The following SVEP1 variants were observed in gnomAD, a reference collection of about 807,000 sequenced individuals.
SVEP1 encodes the protein sushi, von Willebrand factor type A, EGF and pentraxin domain-containing protein 1.
In SVEP1, 164 loss-of-function variants were observed where a neutral mutation model predicts 367.3. The ratio of observed to expected loss-of-function variants is 0.45; its 90% CI spans 0.39 to 0.51. The LOEUF (loss-of-function observed/expected upper bound fraction) is 0.51. SVEP1 is among the 20% of genes least tolerant of loss of function. The pLI is 0.00. For missense variants in SVEP1, 4,117 were observed against 4,425.3 expected (o/e 0.93, Z 1.98); for synonymous variants, 1,666 against 1,611.6 (o/e 1.03, Z -0.81).
At chr9:110,529,739 T>G (rs1220736376) in intron 3 of SVEP1, among the ~76,000 whole-genome samples, 1 of 152,190 alleles carries the variant, frequency 6.6e-6, no homozygotes, top group East Asian at 1.9e-4. Context: ...CTTTACTAAA[T>G]TCATTGATCA....
chr9:110,472,216 T>A lies in SVEP1; in HGVS notation c.2707A>T (p.Ile903Phe), dbSNP rs1311235396. The A allele has an allele frequency of 6.2e-7, 1 of 1,613,728 alleles. No individual in the cohort carries two copies. The highest frequency in any genetic ancestry group is 1.1e-5 in the South Asian group (1 of 91,012). ...TSIGNAKSSR[I>F]KRSAPLSDYK... ...TCAGATAATGGGGCACTTCTTTTAA[T>A]CCGTGAGGACTTGGCATTGCCGATG... Residue 903 changes from isoleucine to phenylalanine, a missense_variant, in exon 15 of 48, where the codon ATT (isoleucine) becomes TTT (phenylalanine). Coordinates refer to ENST00000374469, the MANE Select transcript of SVEP1 (RefSeq NM_153366.4).
chr9:110,464,798 T>C (rs1398299049), intron 18 of SVEP1, among the ~76,000 whole-genome samples: 2 of 152,226 alleles, frequency 1.3e-5, no homozygotes, highest in Non-Finnish European at 2.9e-5. Context: ...GTTTGTTCAG[T>C]TCCCAGTGAG....
intron 6 of SVEP1, among the ~76,000 whole-genome samples, chr9:110,502,390 C>G (rs1829548251): frequency 6.6e-6 from 1 of 152,052 alleles, no homozygotes; most frequent in Non-Finnish European, 1.5e-5. Flanking sequence ...GCGTGAGCCA[C>G]CTTGCCCGGC....
intron 22 of SVEP1, among the ~76,000 whole-genome samples, chr9:110,454,762 A>T (rs1828751315): frequency 6.6e-6 from 1 of 152,212 alleles, no homozygotes; most frequent in Non-Finnish European, 1.5e-5. Flanking sequence ...AACATTGAGT[A>T]CACATGGAAT....
chr9:110,437,874 C>T (rs77601129), intron 27 of SVEP1, among the ~76,000 whole-genome samples: 2,267 of 152,216 alleles, frequency 0.015, 48 homozygotes, highest in East Asian at 0.072. Flanking sequence ...AAAGATCCCT[C>T]CTTCATGATT....
At chr9:110,372,737 A>T (rs1827297338) in intron 46 of SVEP1, among the ~76,000 whole-genome samples, 1 of 152,134 alleles carries the variant, frequency 6.6e-6, no homozygotes, top group Non-Finnish European at 1.5e-5. Context: ...GGGGAGGAGA[A>T]GAGGCTGCTT....
rs779654262 is a variant in SVEP1, at chr9:110,579,356, C to A, written c.188G>T (p.Arg63Leu). ...GCGTCGCCGGAACGCCTGGCCCAGC[C>A]GCTCCACTCTGCTCCCCGCCGCTTC... ...GDEAAGSRVE[R>L]LGQAFRRRVR... The change falls in exon 1 of 48, where the codon CGG becomes CTG. Residue 63 changes from arginine to leucine, a missense_variant. Physicochemically the swap from Arg to Leu is moderately radical, Grantham distance 102 (BLOSUM62 -2). Transcript: ENST00000374469. The surrounding 1 kb of genome is among the most constrained non-coding windows in gnomAD (Gnocchi z 5.3). 1.3e-6 allele frequency: 2 copies of A among 1,555,700 alleles called. No homozygotes were observed. Among genetic ancestry groups the A allele is most frequent in the Non-Finnish European group, 8.7e-7 (1 of 1,150,666 alleles).
intron 5 of SVEP1, among the ~76,000 whole-genome samples, chr9:110,506,543 T>C (rs1250418325): frequency 6.6e-6 from 1 of 152,220 alleles, no homozygotes; most frequent in African/African-American, 2.4e-5. Context: ...TCCTAGTCTC[T>C]GACAATCACC....
intron 17 of SVEP1, among the ~76,000 whole-genome samples, chr9:110,468,120 A>C (rs1289483534): frequency 1.3e-5 from 2 of 152,252 alleles, no homozygotes; most frequent in Non-Finnish European, 2.9e-5. Context: ...CTCAGTCTCA[A>C]GTAATCCTTT....
intron 5 of SVEP1, chr9:110,512,696 A>T: frequency 1.8e-6 from 1 of 563,898 alleles, no homozygotes; most frequent in Non-Finnish European, 3.1e-6. Flanking sequence ...TTCCCAGGCA[A>T]ACTTTTTCTT....
chr9:110,408,777 T>A lies in SVEP1; in HGVS notation c.6823A>T (p.Met2275Leu). The change falls in exon 38 of 48, where the codon ATG becomes TTG. Residue 2275 changes from methionine to leucine, a missense_variant. Met to Leu is a conservative substitution (Grantham distance 15). Transcript: ENST00000374469. ...GKPPPIQNGF[M>L]KGENFEVGSK... ...CCTACTTCAAAGTTTTCTCCTTTCATGAAGCCATTCTGGATCGGGGGAGGT... is the reference window on the plus strand; with the variant it reads ...CCTACTTCAAAGTTTTCTCCTTTCAAGAAGCCATTCTGGATCGGGGGAGGT... 1.2e-6 allele frequency: 2 copies of A among 1,613,530 alleles called. No homozygotes were observed. Among genetic ancestry groups the A allele is most frequent in the South Asian group, 2.2e-5 (2 of 91,086 alleles).
intron 1 of SVEP1, among the ~76,000 whole-genome samples, chr9:110,556,821 T>A (rs994677318): frequency 1.3e-5 from 2 of 152,082 alleles, no homozygotes; most frequent in African/African-American, 4.8e-5. Context: ...TTGATCAATC[T>A]TGATGAGCCA....
At position 110,489,258 on chromosome 9, in the gene SVEP1, CA is replaced by C. The variant is rs1236987345; in HGVS notation, c.1930+391del. ...TCTGGATTGCTTTCATAAACCTGCC[CA>C]AATGATTCAATGAAGACTTACTGTA... On this transcript the variant is annotated intron_variant, in intron 9 of 47. Coordinates refer to ENST00000374469, the MANE Select transcript of SVEP1 (RefSeq NM_153366.4). Among the ~76,000 whole-genome samples, 9 of 152,190 alleles carry C rather than the reference CA, an allele frequency of 5.9e-5. No homozygotes were observed. In the East Asian group the frequency reaches 1.7e-3, roughly 29 times the overall value.
chr9:110,373,981 T>G (rs1484984497), intron 46 of SVEP1, among the ~76,000 whole-genome samples: 1 of 152,222 alleles, frequency 6.6e-6, no homozygotes, highest in Non-Finnish European at 1.5e-5. Flanking sequence ...ATTTTTCCAT[T>G]TCTTTTCCTT....
chr9:110,458,833 A>G (rs764368085), intron 19 of SVEP1, 119 bp downstream of exon 19: 4 of 1,275,722 alleles, frequency 3.1e-6, no homozygotes, highest in Non-Finnish European at 4.3e-6. Flanking sequence ...AGGACAATTT[A>G]ACAACTCCAG....
intron 3 of SVEP1, among the ~76,000 whole-genome samples, chr9:110,523,447 A>C (rs961514354): frequency 2.6e-5 from 4 of 152,224 alleles, no homozygotes. Context: ...AAACAGAGAA[A>C]TAAAAATCAG....
rs1249093120 is a variant in SVEP1 at position 110,457,366 on chromosome 9, A to T, written c.3577-14T>A. 6.3e-7 allele frequency: 1 copy of T among 1,584,228 alleles called. No homozygotes were observed. The stretch of plus-strand genomic sequence containing the variant: ...TTCATGGAAAACCTACCAGTAGCAT[A>T]AAAAAATCAATCAGAGACAAAGCAC... On this transcript the variant is annotated splice_polypyrimidine_tract_variant and intron_variant, in intron 20 of 47. Transcript: ENST00000374469.
rs947741529 is a variant in SVEP1, at chr9:110,471,595, T to C, written c.2767A>G (p.Ser923Gly). 1.2e-6 allele frequency: 2 copies of C among 1,609,500 alleles called. No individual in the cohort carries two copies. Among genetic ancestry groups the C allele is most frequent in the African/African-American group, 1.3e-5 (1 of 74,700 alleles). ...TTTCTTTCATCGGGTAATGGCACAC[T>C]AGCTGAGATAAAAACAAAATAAAAC... ...KIKLIFNITA[S>G]VPLPDERNDT... is the part of the protein sequence containing the mutation. Residue 923 changes from serine (S) to glycine (G), a missense_variant and splice_region_variant, in exon 16 of 48, where the codon AGT becomes GGT. Ser to Gly is a moderately conservative substitution (Grantham distance 56). Coordinates refer to ENST00000374469, the MANE Select transcript of SVEP1 (RefSeq NM_153366.4).
At chr9:110,570,246 G>C (rs909435497) in intron 1 of SVEP1, among the ~76,000 whole-genome samples, 1 of 152,138 alleles carries the variant, frequency 6.6e-6, no homozygotes, top group South Asian at 2.1e-4. Flanking sequence ...TTTCAATGTA[G>C]ACATGTCTTC....
Sources: allele counts gnomAD v4.1 joint callset (sites outside exome capture counted in the v4.1 genomes callset), GRCh38; gene constraint gnomAD v4.1.1; non-coding constraint Gnocchi (gnomAD v3.1); transcripts MANE v1.5; gene names NCBI Gene and HGNC (gene_info 2026-07-23, HGNC 2026-07-21).